RNF152: variants seen among roughly 807,000 people sequenced by gnomAD.
RNF152 encodes E3 ubiquitin-protein ligase RNF152.
A neutral mutation model predicts 12.7 loss-of-function variants in RNF152; 11 were observed. The ratio of observed to expected loss-of-function variants is 0.86; its 90% confidence interval spans 0.54 to 1.43. The LOEUF (loss-of-function observed/expected upper bound fraction) is 1.43, where lower values mean the gene tolerates loss of function less well. RNF152 is among the 40% of genes most tolerant of loss of function. The probability of loss-of-function intolerance (pLI) is 0.00; values close to 1 mark genes in which losing one functional copy is unlikely to be tolerated. For synonymous variants in RNF152, 113 were observed against 120.3 expected, an observed-to-expected ratio of 0.94 and a Z score of 0.40; for missense variants, 255 against 274.8, an observed-to-expected ratio of 0.93 and a Z score of 0.51.
intron 1 of RNF152, among the ~76,000 whole-genome samples, chr18:61,883,627 A>T (rs1407278498): frequency 6.6e-6 from 1 of 152,144 alleles, no homozygotes; most frequent in African/African-American, 2.4e-5. Context: ...TTTAAAACGG[A>T]AAGTTCCATG....
intron 1 of RNF152, among the ~76,000 whole-genome samples, chr18:61,864,683 C>G (rs573496196): frequency 6.6e-6 from 1 of 152,302 alleles, no homozygotes; most frequent in Non-Finnish European, 1.5e-5. Context: ...CTCTGGCGAC[C>G]AGCTGGCACT....
At chr18:61,879,560 C>T (rs552868930) in intron 1 of RNF152, among the ~76,000 whole-genome samples, 7 of 152,068 alleles carry the variant, frequency 4.6e-5, no homozygotes, top group South Asian at 4.2e-4. Flanking sequence ...AAGCGTGTTC[C>T]GGGGAAAGGG....
Position 61,815,986 on chromosome 18 carries a change from C to A in RNF152, c.478G>T (p.Val160Leu). 6.2e-7 allele frequency: 1 copy of A among 1,614,228 alleles called. No individual in the cohort carries two copies. Among genetic ancestry groups the A allele is most frequent in the Non-Finnish European group, 8.5e-7 (1 of 1,180,044 alleles). ...CCCGACCAGGTGGAGCTTTTCACCA[C>A]GCCCCGCCTGTCCTGCTCCTCCTCC... ...AVEEEQDRRG[V>L]VKSSTWSGVC... Residue 160 changes from valine (V) to leucine (L), a missense_variant, in exon 2 of 2, where the codon GTG (valine) becomes TTG (leucine). Val to Leu is a conservative substitution (Grantham distance 32, BLOSUM62 1). Transcript: ENST00000312828.
chr18:61,882,684 C>CAG (rs1224943463), intron 1 of RNF152, among the ~76,000 whole-genome samples: 1 of 152,132 alleles, frequency 6.6e-6, no homozygotes, highest in South Asian at 2.1e-4. Context: ...AATGGAGACT[C>CAG]AGAGAGAGAG....
At chr18:61,844,111 AAAGAAAGAAAG>A (rs1325758159) in intron 1 of RNF152, among the ~76,000 whole-genome samples, 1 of 142,496 alleles carries the variant, frequency 7.0e-6, no homozygotes, top group African/African-American at 2.6e-5. Context: ...AGAAAGAAAG[AAAGAAAGAAAG>A]AAAGAAAGAA....
rs1355156335 is a variant in RNF152, at chr18:61,879,855, C to T, written c.-136+12940G>A. ...TGGCGCACGCCTGTAACCCCAGCTA[C>T]TCAGGAGGCTGAGGCAGGAGAATCG... On this transcript the variant is annotated intron_variant, in intron 1 of 1. Coordinates refer to ENST00000312828, the MANE Select transcript of RNF152 (RefSeq NM_173557.3). 3.3e-5 allele frequency among the ~76,000 whole-genome samples: 5 copies of T among 151,936 alleles called. No homozygotes were observed. The East Asian group carries it at 7.8e-4, about 24-fold the overall frequency.
At chr18:61,882,585 G>C (rs1443781967) in intron 1 of RNF152, among the ~76,000 whole-genome samples, 1 of 152,194 alleles carries the variant, frequency 6.6e-6, no homozygotes, top group African/African-American at 2.4e-5. Context: ...GAGCACAAAG[G>C]GTTTTCATTT....
At chr18:61,839,767 T>C (rs1440562927) in intron 1 of RNF152, among the ~76,000 whole-genome samples, 3 of 152,030 alleles carry the variant, frequency 2.0e-5, no homozygotes, top group Non-Finnish European at 4.4e-5. Context: ...TGGTGGTGGG[T>C]GCCTGTAGTC....
chr18:61,846,858 G>GA (rs1335520524), intron 1 of RNF152, among the ~76,000 whole-genome samples: 2 of 152,242 alleles, frequency 1.3e-5, no homozygotes, highest in East Asian at 3.9e-4. Flanking sequence ...TTGAGCTATG[G>GA]AGACTCCAGA....
intron 1 of RNF152, among the ~76,000 whole-genome samples, chr18:61,887,357 G>A (rs1770476630): frequency 6.6e-6 from 1 of 152,186 alleles, no homozygotes; most frequent in African/African-American, 2.4e-5. Context: ...CAAGGTTCTT[G>A]ACTAAGATGC....
rs755194792 is a variant in RNF152 at position 61,809,715 on chromosome 18, G to A, written c.*6137C>T. 19 of 152,014 alleles carry A rather than the reference G, an allele frequency of 1.2e-4. No individual in the cohort carries two copies. Among genetic ancestry groups the A allele is most frequent in the Non-Finnish European group, 2.5e-4 (17 of 68,000 alleles). 9.4% of individuals were successfully genotyped at this position (152,014 alleles called of 1,614,324 possible). A position where few individuals can be genotyped will look rare whatever the true frequency, so the allele number is the denominator to read the frequency against. ...TACTCTGCCCCAAATATTACTGATT[G>A]TCCCTAAAAATATCATAGTATGAAT... On this transcript the variant is annotated 3_prime_UTR_variant, in exon 2 of 2. Coordinates refer to ENST00000312828, the MANE Select transcript of RNF152 (RefSeq NM_173557.3).
chr18:61,852,689 TGAG>T (rs1290146846), intron 1 of RNF152, among the ~76,000 whole-genome samples: 8 of 152,192 alleles, frequency 5.3e-5, no homozygotes, highest in African/African-American at 1.9e-4. Context: ...TTTGGCTTCC[TGAG>T]GTTCTGATTC....
At position 61,831,309 on chromosome 18, in the gene RNF152, C is replaced by T. The variant is rs181928005; in HGVS notation, c.-135-14711G>A. Among the ~76,000 whole-genome samples the T allele has an allele frequency of 9.9e-5, 15 of 152,244 alleles. No individual in the cohort carries two copies. The East Asian group carries it at 2.1e-3, about 22-fold the overall frequency. On this transcript the variant is annotated intron_variant, in intron 1 of 1. Coordinates refer to ENST00000312828, the MANE Select transcript of RNF152 (RefSeq NM_173557.3). The stretch of plus-strand genomic sequence containing the variant: ...CTGGGCTGTGATTACAGAATCAGCT[C>T]GGGGAAATGCTCGGATTCATCATCT...
Position 61,816,144 on chromosome 18 carries a change from G to A in RNF152, c.320C>T (p.Ser107Phe). 1.2e-6 allele frequency: 2 copies of A among 1,614,226 alleles called. No individual in the cohort carries two copies. Among genetic ancestry groups the A allele is most frequent in the Non-Finnish European group, 1.7e-6 (2 of 1,180,042 alleles). Residue 107 changes from serine to phenylalanine, a missense_variant, in exon 2 of 2, where the codon TCC becomes TTC. Ser to Phe is a radical substitution (Grantham distance 155). Transcript: ENST00000312828. Reference sequence around the variant, plus strand: ...TCCGGGCAGCAGCGCACGCTCCTTGGAGATGGGCAGGGGCAGCATGTAGCA... The same window carrying A: ...TCCGGGCAGCAGCGCACGCTCCTTGAAGATGGGCAGGGGCAGCATGTAGCA... ...NGCYMLPLPI[S>F]KERALLPGDM...
At chr18:61,875,243 G>T (rs1912160970) in intron 1 of RNF152, 1 of 152,220 alleles carries the variant, frequency 6.6e-6, no homozygotes, top group Admixed American at 6.5e-5. Flanking sequence ...CTTCCAACCA[G>T]ATTCCCAATA....
intron 1 of RNF152, among the ~76,000 whole-genome samples, chr18:61,883,056 C>T (rs1395081562): frequency 1.3e-5 from 2 of 152,172 alleles, no homozygotes; most frequent in Non-Finnish European, 2.9e-5. Flanking sequence ...AAACCCAGAG[C>T]ATATCTAGAT....
At chr18:61,835,890 T>C (rs1568270993) in intron 1 of RNF152, among the ~76,000 whole-genome samples, 1 of 152,194 alleles carries the variant, frequency 6.6e-6, no homozygotes, top group Non-Finnish European at 1.5e-5. Context: ...ACCAGATTGA[T>C]ATTGTCAGAA....
chr18:61,839,756 G>A (rs7237854), intron 1 of RNF152, among the ~76,000 whole-genome samples: 72,079 of 151,888 alleles, frequency 0.47, 17,703 homozygotes, highest in Non-Finnish European at 0.55. Context: ...ATTGCTGGGC[G>A]TGGTGGTGGG....
In RNF152 at chr18:61,822,900, C is replaced by A. The variant is rs77410061; in HGVS notation, c.-135-6302G>T. On this transcript the variant is annotated intron_variant, in intron 1 of 1. Transcript: ENST00000312828. ...TCTGATACAGGCCATCTACTTAAAT[C>A]TTCAACAAAATATAAATATTTGAAA... Among the ~76,000 whole-genome samples the A allele has an allele frequency of 3.5e-3, 532 of 152,310 alleles. 3 individuals carry two copies. Among genetic ancestry groups the A allele is most frequent in the African/African-American group, 0.011 (463 of 41,576 alleles).
Sources: allele counts gnomAD v4.1 joint callset (sites outside exome capture counted in the v4.1 genomes callset), GRCh38; gene constraint gnomAD v4.1.1; transcripts MANE v1.5; gene names NCBI Gene and HGNC (gene_info 2026-07-23, HGNC 2026-07-21).